Variants in WWOX observed in about 807,000 individuals in gnomAD.
WWOX encodes WW domain-containing oxidoreductase.
In WWOX, 69 loss-of-function variants were observed where a neutral mutation model predicts 46.2. The ratio of observed to expected loss-of-function variants is 1.49; its 90% CI spans 1.23 to 1.82. The LOEUF (loss-of-function observed/expected upper bound fraction) is 1.82, where lower values mean the gene tolerates loss of function less well. Ranked by LOEUF, WWOX falls within the 40% of genes most tolerant of loss-of-function variation. The probability of loss-of-function intolerance (pLI) is 0.00; values close to 1 mark genes in which losing one functional copy is unlikely to be tolerated. For missense variants in WWOX, 919 were observed against 542.6 expected, an observed-to-expected ratio of 1.69 and a Z score of -6.89; for synonymous variants, 359 against 202.6, an observed-to-expected ratio of 1.77 and a Z score of -6.56.
At chr16:79,202,761 C>T (rs1200051935) in intron 8 of WWOX, 4 of 152,126 alleles carry the variant, frequency 2.6e-5, no homozygotes, top group Non-Finnish European at 5.9e-5. Context: ...GCATGCATAG[C>T]TTGTTAGTAT....
intron 8 of WWOX, among the ~76,000 whole-genome samples, chr16:78,978,229 A>T (rs2046611787): frequency 6.6e-6 from 1 of 152,134 alleles, no homozygotes; most frequent in South Asian, 2.1e-4. Flanking sequence ...CAGTTGGTTG[A>T]CCCATTCATC....
intron 8 of WWOX, among the ~76,000 whole-genome samples, chr16:78,733,395 C>T (rs1273539497): frequency 2.0e-5 from 3 of 151,956 alleles, no homozygotes; most frequent in African/African-American, 7.3e-5. Flanking sequence ...GTTGAGGCTG[C>T]AGTGAGCTAC....
rs1035078518 is a variant in WWOX at position 78,138,005 on chromosome 16, C to T, written c.409+22851C>T. Among the ~76,000 whole-genome samples the T allele has an allele frequency of 6.0e-5, 9 of 150,842 alleles. 1 individual carries two copies. The highest frequency in any genetic ancestry group is 2.1e-4 in the South Asian group (1 of 4,736). On this transcript the variant is annotated intron_variant, in intron 4 of 8. Coordinates refer to ENST00000566780, the MANE Select transcript of WWOX (RefSeq NM_016373.4). ...CCATTGTTCAAAGGAAACAGAACCT[C>T]GCTCAAGGAAAATGAGAATTCTTCT...
Position 78,996,138 on chromosome 16 carries a change from G to A in WWOX, c.1057-215470G>A, listed in dbSNP as rs564940039. On this transcript the variant is annotated intron_variant, in intron 8 of 8. Coordinates refer to ENST00000566780, the MANE Select transcript of WWOX (RefSeq NM_016373.4). Reference sequence around the variant, plus strand: ...ATGAAAGTCAGCTCAGGCGTAGAATGTTCTTTTTTTTAATTTTTTTTTTAA... The same window carrying A: ...ATGAAAGTCAGCTCAGGCGTAGAATATTCTTTTTTTTAATTTTTTTTTTAA... 43 of 924,050 alleles carry A rather than the reference G, an allele frequency of 4.7e-5. No individual in the cohort carries two copies. The African/African-American group carries it at 6.8e-4, about 15-fold the overall frequency. The allele number at this position is 924,050 out of a possible 1,614,324, so 57.2% of individuals were successfully genotyped here.
intron 5 of WWOX, among the ~76,000 whole-genome samples, chr16:78,314,400 T>C (rs558441862): frequency 0.021 from 2,267 of 107,240 alleles, 39 homozygotes; most frequent in Non-Finnish European, 0.026. Context: ...AGTGAGACTC[T>C]GTCTCAAAAA....
chr16:78,416,066 C>A (rs1395841083), intron 6 of WWOX, among the ~76,000 whole-genome samples: 1 of 152,184 alleles, frequency 6.6e-6, no homozygotes, highest in East Asian at 1.9e-4. Context: ...ACAACCTTTT[C>A]TGCCCTTAAT....
intron 8 of WWOX, among the ~76,000 whole-genome samples, chr16:78,451,185 A>C (rs2151411462): frequency 6.6e-6 from 1 of 152,306 alleles, no homozygotes; most frequent in Non-Finnish European, 1.5e-5. Flanking sequence ...TTTTAAAATT[A>C]GAAATTAAAC....
chr16:78,992,810 A>G (rs1294528867), intron 8 of WWOX, among the ~76,000 whole-genome samples: 5 of 152,126 alleles, frequency 3.3e-5, no homozygotes, highest in South Asian at 2.1e-4. Context: ...AATAGCCTCA[A>G]AAGTCACTGA....
intron 8 of WWOX, among the ~76,000 whole-genome samples, chr16:78,582,476 G>A (rs918670567): frequency 6.6e-6 from 1 of 152,088 alleles, no homozygotes; most frequent in Admixed American, 6.5e-5. Flanking sequence ...TGATTGGCTT[G>A]CCTACATTCT....
chr16:78,331,559 A>G lies in WWOX; in HGVS notation c.517-55301A>G, dbSNP rs946532342. Among the ~76,000 whole-genome samples, 6 of 152,162 alleles carry G rather than the reference A, an allele frequency of 3.9e-5. 1 individual carries two copies. The stretch of plus-strand genomic sequence containing the variant: ...ATAGGTACAAAGGTGTAAGTAGGAG[A>G]GTCTACCAGGCAGCACACAGACGTG... On this transcript the variant is annotated intron_variant, in intron 5 of 8. Transcript: ENST00000566780.
intron 8 of WWOX, among the ~76,000 whole-genome samples, chr16:79,058,981 G>A (rs1423467592): frequency 4.6e-5 from 7 of 152,132 alleles, no homozygotes; most frequent in Non-Finnish European, 1.5e-5. Context: ...GATTTAAAAG[G>A]AAAACAATGA....
At position 78,680,587 on chromosome 16, in the gene WWOX, G is replaced by C. The variant is rs190683101; in HGVS notation, c.1056+247835G>C. ...GCTATCCAATACTTGAAGGTAGCCA[G>C]TGGACACGTGGGGCCATTTCAAGCT... On this transcript the variant is annotated intron_variant, in intron 8 of 8. Transcript: ENST00000566780. Among the ~76,000 whole-genome samples, 24 of 152,328 alleles carry C rather than the reference G, an allele frequency of 1.6e-4. 1 individual carries two copies. The highest frequency in any genetic ancestry group is 1.5e-3 in the Admixed American group (23 of 15,304).
intron 8 of WWOX, among the ~76,000 whole-genome samples, chr16:78,489,104 G>A (rs2084713698): frequency 6.6e-6 from 1 of 152,098 alleles, no homozygotes; most frequent in South Asian, 2.1e-4. Flanking sequence ...TTTTATGCTT[G>A]TTACTAGCAG....
chr16:78,496,723 C>G (rs760064055), intron 8 of WWOX, among the ~76,000 whole-genome samples: 12 of 152,274 alleles, frequency 7.9e-5, no homozygotes, highest in African/African-American at 2.9e-4. Flanking sequence ...CTATGTAAAA[C>G]CAAACAAATT....
At chr16:78,469,036 A>C (rs528090190) in intron 8 of WWOX, among the ~76,000 whole-genome samples, 1 of 152,306 alleles carries the variant, frequency 6.6e-6, no homozygotes, top group East Asian at 1.9e-4. Flanking sequence ...ATGGATGGAT[A>C]GATTGATTTT....
intron 8 of WWOX, among the ~76,000 whole-genome samples, chr16:78,473,772 G>C (rs531914402): frequency 6.6e-6 from 1 of 151,988 alleles, no homozygotes; most frequent in Non-Finnish European, 1.5e-5. Context: ...CTGAAGATAC[G>C]GCAGCCCACC....
At chr16:78,517,696 C>A (rs1045180351) in intron 8 of WWOX, among the ~76,000 whole-genome samples, 2 of 152,030 alleles carry the variant, frequency 1.3e-5, no homozygotes, top group Non-Finnish European at 2.9e-5. Flanking sequence ...ATGGAAAGGG[C>A]ATGCGTTGAC....
intron 8 of WWOX, among the ~76,000 whole-genome samples, chr16:78,608,559 A>G (rs1304925756): frequency 6.6e-6 from 1 of 152,200 alleles, no homozygotes; most frequent in Non-Finnish European, 1.5e-5. Context: ...AGAAATGCCC[A>G]GAAAGAGTTA....
chr16:78,532,063 G>T (rs2043636504), intron 8 of WWOX, among the ~76,000 whole-genome samples: 1 of 141,108 alleles, frequency 7.1e-6, no homozygotes, highest in African/African-American at 2.6e-5. Flanking sequence ...GGAGTAGGGA[G>T]TTTTTTTTTT....
Sources: allele counts gnomAD v4.1 joint callset (sites outside exome capture counted in the v4.1 genomes callset), GRCh38; gene constraint gnomAD v4.1.1; transcripts MANE v1.5; gene names NCBI Gene and HGNC (gene_info 2026-07-23, HGNC 2026-07-21).